Variants in SVOPL observed in about 807,000 individuals in gnomAD.
The protein encoded by SVOPL is SVOP like.
SVOPL carries 60 observed loss-of-function variants against 61.0 expected under a neutral mutation model. The ratio of observed to expected loss-of-function variants is 0.98; its 90% CI spans 0.80 to 1.22. The LOEUF (loss-of-function observed/expected upper bound fraction) is 1.22. Among genes scored for constraint, SVOPL ranks in the 50% most tolerant of loss-of-function variants. The probability of loss-of-function intolerance (pLI) is 0.00; values close to 1 mark genes in which losing one functional copy is unlikely to be tolerated. For synonymous variants in SVOPL, 279 were observed against 250.0 expected (o/e 1.12, Z -1.09); for missense variants, 662 against 643.9 (o/e 1.03, Z -0.30).
At chr7:138,676,331 A>G (rs1802558901) in intron 3 of SVOPL, among the ~76,000 whole-genome samples, 1 of 152,230 alleles carries the variant, frequency 6.6e-6, no homozygotes, top group Non-Finnish European at 1.5e-5. Context: ...GCAATTTATA[A>G]GAAATCTAAA....
At chr7:138,678,594 T>C (rs1802630459) in intron 2 of SVOPL, 69 bp from the exon 3 acceptor site, 7 of 1,444,464 alleles carry the variant, frequency 4.8e-6, no homozygotes, top group Non-Finnish European at 6.6e-6. Flanking sequence ...ACTATCAGCT[T>C]CAGAAAGCCA....
chr7:138,622,800 G>A (rs551591665), intron 13 of SVOPL, among the ~76,000 whole-genome samples: 1 of 152,110 alleles, frequency 6.6e-6, no homozygotes. Context: ...GATATTTATA[G>A]TAAAATCTAA....
intron 3 of SVOPL, among the ~76,000 whole-genome samples, chr7:138,676,505 C>T (rs77723055): frequency 0.2 from 31,136 of 152,036 alleles, 4,335 homozygotes; most frequent in African/African-American, 0.39. Context: ...TGCATGAAGC[C>T]TCTTTTATAA....
intron 14 of SVOPL, among the ~76,000 whole-genome samples, chr7:138,611,058 C>G (rs1584777965): frequency 6.6e-6 from 1 of 152,230 alleles, no homozygotes; most frequent in South Asian, 2.1e-4. Flanking sequence ...ACCGTGGACT[C>G]TTCTCTTTTG....
At chr7:138,637,469 G>GATAT (rs1296804145) in intron 9 of SVOPL, among the ~76,000 whole-genome samples, 63 of 29,430 alleles carry the variant, frequency 2.1e-3, no homozygotes, top group African/African-American at 3.2e-3. Flanking sequence ...TATATATATA[G>GATAT]ATATAGATAT....
intron 9 of SVOPL, among the ~76,000 whole-genome samples, chr7:138,631,981 C>CACACACACACACACACAA (rs1172950500): frequency 2.6e-5 from 4 of 151,832 alleles, no homozygotes; most frequent in African/African-American, 9.7e-5. Context: ...CACACACACA[C>CACACACACACACACACAA]ACATACACAC....
intron 1 of SVOPL, among the ~76,000 whole-genome samples, chr7:138,694,342 T>C (rs1238594127): frequency 6.6e-6 from 1 of 152,168 alleles, no homozygotes; most frequent in Non-Finnish European, 1.5e-5. Context: ...CCTCCTGGGT[T>C]CAAGTGATTC....
intron 14 of SVOPL, among the ~76,000 whole-genome samples, chr7:138,608,470 G>A (rs1798851330): frequency 6.6e-6 from 1 of 152,150 alleles, no homozygotes. Context: ...TTTTCAATAC[G>A]TCGTGTTGAG....
At position 138,634,119 on chromosome 7, in the gene SVOPL, T is replaced by C. The variant is rs561053510; in HGVS notation, c.790-3997A>G. On this transcript the variant is annotated intron_variant, in intron 9 of 15. Transcript: ENST00000674285. ...TTTTCTCTGTACCTCCTGGTCTCCC[T>C]GTTATGCATTCATTCCCTGCCTTGG... Among the ~76,000 whole-genome samples the C allele has an allele frequency of 2.6e-5, 4 of 152,370 alleles. No individual in the cohort carries two copies. The East Asian group carries it at 5.8e-4, about 22-fold the overall frequency.
intron 14 of SVOPL, among the ~76,000 whole-genome samples, chr7:138,606,247 G>A (rs1016416494): frequency 5.3e-5 from 8 of 152,072 alleles, no homozygotes; most frequent in African/African-American, 1.9e-4. Context: ...TGGAGTTCTT[G>A]TCTCACGACC....
At chr7:138,696,457 C>A (rs1451702245) in intron 1 of SVOPL, among the ~76,000 whole-genome samples, 7 of 151,950 alleles carry the variant, frequency 4.6e-5, no homozygotes, top group Admixed American at 6.6e-5. Flanking sequence ...GAGTTTTTCT[C>A]TTATCCCCAG....
chr7:138,634,943 G>A (rs1800394321), intron 9 of SVOPL, among the ~76,000 whole-genome samples: 2 of 152,162 alleles, frequency 1.3e-5, no homozygotes, highest in African/African-American at 4.8e-5. Context: ...CAGTCTGGGT[G>A]ACAGAGCGAG....
At chr7:138,643,444 A>T (rs1026427318) in intron 9 of SVOPL, among the ~76,000 whole-genome samples, 1 of 149,998 alleles carries the variant, frequency 6.7e-6, no homozygotes, top group Non-Finnish European at 1.5e-5. Flanking sequence ...AAAAAAAAAG[A>T]AAGTGAGGCC....
intron 9 of SVOPL, among the ~76,000 whole-genome samples, chr7:138,630,602 G>A (rs1368442168): frequency 2.0e-5 from 3 of 152,184 alleles, no homozygotes; most frequent in African/African-American, 7.2e-5. Context: ...GGGGTAGTTA[G>A]CAAAAGTTCT....
intron 14 of SVOPL, among the ~76,000 whole-genome samples, chr7:138,617,685 A>G (rs1799361651): frequency 1.3e-5 from 2 of 152,140 alleles, no homozygotes; most frequent in African/African-American, 2.4e-5. Context: ...AATTCAAAAA[A>G]ATTAGCCAGG....
chr7:138,661,266 C>T (rs11770967), intron 5 of SVOPL: 455,683 of 984,898 alleles, frequency 0.46, 106,649 homozygotes, highest in African/African-American at 0.65. Context: ...TCTTAGTAGG[C>T]ACGTGACTTT....
At chr7:138,621,168 A>G in intron 13 of SVOPL, 33 bp from the exon 14 acceptor site, 1 of 1,592,916 alleles carries the variant, frequency 6.3e-7, no homozygotes, top group Non-Finnish European at 8.6e-7. Flanking sequence ...TACCAGTCAG[A>G]TAATGTCCGT....
chr7:138,700,529 C>T (rs1411894977), intron 1 of SVOPL, among the ~76,000 whole-genome samples: 6 of 151,706 alleles, frequency 4.0e-5, no homozygotes, highest in Admixed American at 6.6e-5. Context: ...TTAGTAGAGA[C>T]GGGGTTTCAC....
At chr7:138,631,902 C>T (rs921026903) in intron 9 of SVOPL, among the ~76,000 whole-genome samples, 5 of 139,498 alleles carry the variant, frequency 3.6e-5, no homozygotes, top group African/African-American at 1.6e-4. Flanking sequence ...AATTTATGTC[C>T]CATTTATCCC....
Sources: allele counts gnomAD v4.1 joint callset (sites outside exome capture counted in the v4.1 genomes callset), GRCh38; gene constraint gnomAD v4.1.1; transcripts MANE v1.5; gene names NCBI Gene and HGNC (gene_info 2026-07-23, HGNC 2026-07-21).